The following RPTOR variants were observed in gnomAD, a reference collection of about 807,000 sequenced individuals.
RPTOR encodes regulatory associated protein of MTOR complex 1, also known as regulatory-associated protein of mTOR.
A neutral mutation model predicts 169.9 loss-of-function variants in RPTOR; 21 were observed. The ratio of observed to expected loss-of-function variants is 0.12; its 90% confidence interval spans 0.09 to 0.18. RPTOR has a LOEUF of 0.18. Ranked by LOEUF, RPTOR falls within the 10% of genes least tolerant of loss-of-function variation. RPTOR has a pLI of 1.00. For missense variants in RPTOR, 1,133 were observed against 1,855.9 expected (o/e 0.61, Z 7.16); for synonymous variants, 732 against 753.2 (o/e 0.97, Z 0.46).
rs925276774 is a variant in RPTOR, at chr17:80,878,787, G to C, written c.1510-1628G>C. Among the ~76,000 whole-genome samples, 3 of 152,170 alleles carry C rather than the reference G, an allele frequency of 2.0e-5. No homozygotes were observed. The highest frequency in any genetic ancestry group is 7.2e-5 in the African/African-American group (3 of 41,428). On this transcript the variant is annotated intron_variant, in intron 13 of 33. Coordinates refer to ENST00000306801, the MANE Select transcript of RPTOR (RefSeq NM_020761.3). The surrounding 1 kb of genome is among the most constrained non-coding windows in gnomAD (Gnocchi z 4.1). ...TTCCCGAAGTATTATCGTTACCCCT[G>C]AATATCCAAGGCAGGATCATTTTAT... is the stretch of plus-strand genomic sequence containing the variant.
At chr17:80,926,028 C>T (rs1471148021) in intron 24 of RPTOR, among the ~76,000 whole-genome samples, 3 of 152,234 alleles carry the variant, frequency 2.0e-5, no homozygotes, top group Admixed American at 1.3e-4. Context: ...AGTCCCAGTG[C>T]TCATCTCTCT....
At chr17:80,549,219 A>G (rs2084315778) in intron 1 of RPTOR, among the ~76,000 whole-genome samples, 1 of 152,040 alleles carries the variant, frequency 6.6e-6, no homozygotes, top group Non-Finnish European at 1.5e-5. Context: ...TTGTTTGGTT[A>G]ATTCTACTAT....
At chr17:80,749,708 TG>T (rs1215175531) in intron 5 of RPTOR, among the ~76,000 whole-genome samples, 3 of 152,156 alleles carry the variant, frequency 2.0e-5, no homozygotes, top group African/African-American at 7.2e-5. Context: ...CTTTTCATTT[TG>T]GGGGCTTTTT....
chr17:80,787,601 T>C (rs2067006521), intron 6 of RPTOR, among the ~76,000 whole-genome samples: 1 of 152,248 alleles, frequency 6.6e-6, no homozygotes, highest in Admixed American at 6.5e-5. Context: ...GGTAAGGTGC[T>C]TTCCCAGTGG....
At chr17:80,563,958 C>G (rs768457574) in intron 1 of RPTOR, among the ~76,000 whole-genome samples, 1 of 152,226 alleles carries the variant, frequency 6.6e-6, no homozygotes, top group South Asian at 2.1e-4. Context: ...TAGCCATGCT[C>G]ATTCACCCCC....
At chr17:80,747,715 C>T (rs1202984222) in intron 5 of RPTOR, among the ~76,000 whole-genome samples, 1 of 152,200 alleles carries the variant, frequency 6.6e-6, no homozygotes, top group Admixed American at 6.5e-5. Context: ...CTTTGTCTCT[C>T]CACCGGACAA....
chr17:80,760,403 G>A (rs1255779474), intron 6 of RPTOR, among the ~76,000 whole-genome samples: 1 of 142,462 alleles, frequency 7.0e-6, no homozygotes, highest in East Asian at 2.2e-4. Context: ...CTCGGTTCAA[G>A]CGATTCTCCT....
intron 4 of RPTOR, among the ~76,000 whole-genome samples, chr17:80,711,848 A>G (rs566447874): frequency 1.4e-5 from 2 of 145,306 alleles, no homozygotes; most frequent in East Asian, 4.3e-4. Flanking sequence ...GGTTCAAGCA[A>G]TTCTTCTGCC....
Position 80,845,871 on chromosome 17 carries a change from G to C in RPTOR, c.1213-602G>C, listed in dbSNP as rs1284082424. Among the ~76,000 whole-genome samples, 1 of 152,178 alleles carries C rather than the reference G, an allele frequency of 6.6e-6. No homozygotes were observed. Among genetic ancestry groups the C allele is most frequent in the Non-Finnish European group, 1.5e-5 (1 of 68,042 alleles). ...CTCCATCCTTATCTCGCCTGGCCCG[G>C]TGCTGGTTTGTGGCTCTGCCCTGGA... On this transcript the variant is annotated intron_variant, in intron 10 of 33. Coordinates refer to ENST00000306801, the MANE Select transcript of RPTOR (RefSeq NM_020761.3). The surrounding 1 kb of genome is among the most constrained non-coding windows in gnomAD (Gnocchi z 5.4).
At chr17:80,548,172 C>T (rs983059177) in intron 1 of RPTOR, among the ~76,000 whole-genome samples, 1 of 148,730 alleles carries the variant, frequency 6.7e-6, no homozygotes, top group East Asian at 2.0e-4. Context: ...CAGCCTCGAC[C>T]TCCTGGGCCT....
intron 24 of RPTOR, among the ~76,000 whole-genome samples, chr17:80,931,091 G>A (rs1003368418): frequency 2.6e-5 from 4 of 152,196 alleles, no homozygotes; most frequent in African/African-American, 9.6e-5. Flanking sequence ...AGGGTCCTGT[G>A]GGCAGTTCCT....
chr17:80,805,364 A>C (rs2067208315), intron 7 of RPTOR: 1 of 152,262 alleles, frequency 6.6e-6, no homozygotes. Flanking sequence ...TGGCGTCTGG[A>C]GACAGCCTGG....
chr17:80,775,647 C>G (rs2066885634), intron 6 of RPTOR, among the ~76,000 whole-genome samples: 1 of 152,196 alleles, frequency 6.6e-6, no homozygotes, highest in African/African-American at 2.4e-5. Flanking sequence ...CAGACAGCCC[C>G]CACGTTTGGC....
At chr17:80,883,567 C>A in intron 15 of RPTOR, 83 bp downstream of exon 15, 1 of 1,409,798 alleles carries the variant, frequency 7.1e-7, no homozygotes, top group Non-Finnish European at 1.0e-6. Flanking sequence ...CGTGGTGCCA[C>A]ATGGGGGACA....
At chr17:80,731,619 T>A (rs903551271) in intron 5 of RPTOR, among the ~76,000 whole-genome samples, 2 of 152,236 alleles carry the variant, frequency 1.3e-5, no homozygotes, top group African/African-American at 4.8e-5. Flanking sequence ...TTAAGAGGCC[T>A]CCATCTTGTG....
intron 9 of RPTOR, among the ~76,000 whole-genome samples, chr17:80,825,031 G>T (rs1360996522): frequency 2.0e-5 from 3 of 151,052 alleles, no homozygotes; most frequent in African/African-American, 7.3e-5. Flanking sequence ...TCCATCTAGA[G>T]GCCGCGTGGC....
Position 80,925,363 on chromosome 17 carries a change from C to A in RPTOR, c.2809-7C>A, listed in dbSNP as rs774844382. 1 of 1,612,634 alleles carries A rather than the reference C, an allele frequency of 6.2e-7. No homozygotes were observed. The highest frequency in any genetic ancestry group is 8.5e-7 in the Non-Finnish European group (1 of 1,179,210). ...TTCCTTCCAACCCTCCTGCTTAAAC[C>A]CTGAAGACTGCGGACGACGCGGACG... On this transcript the variant is annotated splice_region_variant and splice_polypyrimidine_tract_variant and intron_variant, in intron 23 of 33. Transcript: ENST00000306801.
At chr17:80,625,937 A>G (rs866305101) in intron 2 of RPTOR, 144 bp downstream of exon 2, 16 of 622,596 alleles carry the variant, frequency 2.6e-5, no homozygotes, top group Middle Eastern at 4.4e-4. Context: ...GAGTCACATC[A>G]CCTTTGAGTA....
chr17:80,604,307 T>C (rs573008146), intron 1 of RPTOR, among the ~76,000 whole-genome samples: 19 of 152,364 alleles, frequency 1.2e-4, no homozygotes, highest in Admixed American at 7.8e-4. Flanking sequence ...TTATGTGCTG[T>C]GCAGATACAG....
Sources: allele counts gnomAD v4.1 joint callset (sites outside exome capture counted in the v4.1 genomes callset), GRCh38; gene constraint gnomAD v4.1.1; non-coding constraint Gnocchi (gnomAD v3.1); transcripts MANE v1.5; gene names NCBI Gene and HGNC (gene_info 2026-07-23, HGNC 2026-07-21).